PDSS2: variants seen among roughly 807,000 people sequenced by gnomAD.
The protein encoded by PDSS2 is all trans-polyprenyl-diphosphate synthase PDSS2.
PDSS2 carries 31 observed loss-of-function variants against 44.5 expected under a neutral mutation model. The ratio of observed to expected loss-of-function variants is 0.70; its 90% CI spans 0.52 to 0.94. The LOEUF (loss-of-function observed/expected upper bound fraction) is 0.94, where lower values mean the gene tolerates loss of function less well. Among genes scored for constraint, PDSS2 ranks in the 40% least tolerant of loss-of-function variants. The probability of loss-of-function intolerance (pLI) is 0.00; values close to 1 mark genes in which losing one functional copy is unlikely to be tolerated. For synonymous variants in PDSS2, 157 were observed against 180.3 expected (o/e 0.87, Z 1.03); for missense variants, 452 against 482.2 (o/e 0.94, Z 0.59).
chr6:107,337,065 ACACACACACAC>A (rs1298001699), intron 1 of PDSS2, among the ~76,000 whole-genome samples: 4 of 151,562 alleles, frequency 2.6e-5, no homozygotes, highest in East Asian at 1.9e-4. Context: ...ACACACACAC[ACACACACACAC>A]AAATAATAAT....
intron 1 of PDSS2, among the ~76,000 whole-genome samples, chr6:107,421,818 AC>A (rs1319807878): frequency 1.3e-5 from 2 of 151,378 alleles, no homozygotes; most frequent in Admixed American, 1.3e-4. Flanking sequence ...ACACACACAC[AC>A]ACACACACAC....
chr6:107,206,254 T>C (rs1432896247), intron 6 of PDSS2, among the ~76,000 whole-genome samples: 1 of 152,180 alleles, frequency 6.6e-6, no homozygotes, highest in Non-Finnish European at 1.5e-5. Flanking sequence ...GTATTTTTAG[T>C]ACAGACCGGG....
intron 4 of PDSS2, among the ~76,000 whole-genome samples, chr6:107,232,610 A>C (rs1170208710): frequency 1.3e-5 from 2 of 152,134 alleles, no homozygotes; most frequent in African/African-American, 4.8e-5. Context: ...TATTGCTTCC[A>C]GTTATTTCTC....
At chr6:107,398,693 G>A (rs907564738) in intron 1 of PDSS2, among the ~76,000 whole-genome samples, 41 of 152,190 alleles carry the variant, frequency 2.7e-4, no homozygotes, top group African/African-American at 9.2e-4. Flanking sequence ...ATAAGTCTGC[G>A]AATTTCAGGC....
At chr6:107,192,319 G>C (rs1772408343) in intron 7 of PDSS2, 3 of 498,656 alleles carry the variant, frequency 6.0e-6, no homozygotes, top group Admixed American at 2.2e-5. Context: ...CCTCATGGGA[G>C]GGAGAGAAAG....
intron 7 of PDSS2, among the ~76,000 whole-genome samples, chr6:107,162,122 T>C (rs992525610): frequency 1.6e-4 from 24 of 152,196 alleles, no homozygotes; most frequent in African/African-American, 5.8e-4. Context: ...ACCCTTGTTT[T>C]GACATGCATC....
intron 4 of PDSS2, among the ~76,000 whole-genome samples, chr6:107,219,580 C>G (rs1273119989): frequency 6.6e-6 from 1 of 152,236 alleles, no homozygotes; most frequent in Non-Finnish European, 1.5e-5. Context: ...AGCCACTGTG[C>G]TTGGCCTACT....
At chr6:107,189,498 C>T (rs1466754618) in intron 7 of PDSS2, among the ~76,000 whole-genome samples, 1 of 151,968 alleles carries the variant, frequency 6.6e-6, no homozygotes, top group East Asian at 1.9e-4. Context: ...CTACCACACC[C>T]GGCTAATTTT....
intron 2 of PDSS2, among the ~76,000 whole-genome samples, chr6:107,323,767 C>G (rs1312279988): frequency 6.6e-6 from 1 of 152,218 alleles, no homozygotes; most frequent in African/African-American, 2.4e-5. Context: ...AGTCACTGGA[C>G]AGTGCCTTTA....
chr6:107,355,883 T>C (rs1778584483), intron 1 of PDSS2, among the ~76,000 whole-genome samples: 1 of 152,248 alleles, frequency 6.6e-6, no homozygotes, highest in Non-Finnish European at 1.5e-5. Flanking sequence ...GTGATTCTAA[T>C]GTGCAGCCAG....
At chr6:107,158,186 CTT>C (rs35734800) in intron 7 of PDSS2, among the ~76,000 whole-genome samples, 3,954 of 136,678 alleles carry the variant, frequency 0.029, 131 homozygotes, top group African/African-American at 0.078. Context: ...GGTTTTCTTT[CTT>C]TTTTTTTTTT....
At chr6:107,227,903 T>G (rs1420037338) in intron 4 of PDSS2, among the ~76,000 whole-genome samples, 1 of 152,096 alleles carries the variant, frequency 6.6e-6, no homozygotes, top group East Asian at 1.9e-4. Flanking sequence ...AATATTTAGC[T>G]CCAGAGCCCA....
At chr6:107,219,762 G>A (rs1225641662) in intron 4 of PDSS2, among the ~76,000 whole-genome samples, 9 of 152,138 alleles carry the variant, frequency 5.9e-5, no homozygotes, top group East Asian at 3.8e-4. Context: ...GTTAGACCTG[G>A]TACTAGTCAC....
chr6:107,221,948 C>A (rs369311464), intron 4 of PDSS2, among the ~76,000 whole-genome samples: 56 of 152,256 alleles, frequency 3.7e-4, no homozygotes, highest in African/African-American at 1.3e-3. Flanking sequence ...AAGCTAGCTG[C>A]CTGTGAAGTT....
At chr6:107,454,192 C>T (rs1231755270) in intron 1 of PDSS2, among the ~76,000 whole-genome samples, 1 of 151,752 alleles carries the variant, frequency 6.6e-6, no homozygotes, top group Non-Finnish European at 1.5e-5. Flanking sequence ...AGACTGCAGG[C>T]ATGCACCAGC....
chr6:107,364,059 C>G (rs1031950215), intron 1 of PDSS2, among the ~76,000 whole-genome samples: 1 of 152,172 alleles, frequency 6.6e-6, no homozygotes, highest in Non-Finnish European at 1.5e-5. Flanking sequence ...TACAGAGCGT[C>G]GACTGGTGCA....
At chr6:107,450,472 T>A (rs200219957) in intron 1 of PDSS2, among the ~76,000 whole-genome samples, 3 of 151,842 alleles carry the variant, frequency 2.0e-5, no homozygotes, top group African/African-American at 7.3e-5. Flanking sequence ...CATCCCAAAA[T>A]AAAGGATATA....
At chr6:107,354,325 ATCTTT>A (rs1419848788) in intron 1 of PDSS2, among the ~76,000 whole-genome samples, 1 of 152,250 alleles carries the variant, frequency 6.6e-6, no homozygotes, top group Non-Finnish European at 1.5e-5. Flanking sequence ...TTCCTTTGCC[ATCTTT>A]TCTTAAAGAA....
chr6:107,412,345 T>A (rs1391652574), intron 1 of PDSS2, among the ~76,000 whole-genome samples: 1 of 150,000 alleles, frequency 6.7e-6, no homozygotes, highest in African/African-American at 2.4e-5. Context: ...TTCAAGCGAT[T>A]CTCCTGCCTC....
Sources: allele counts gnomAD v4.1 joint callset (sites outside exome capture counted in the v4.1 genomes callset), GRCh38; gene constraint gnomAD v4.1.1; transcripts MANE v1.5; gene names NCBI Gene and HGNC (gene_info 2026-07-23, HGNC 2026-07-21).